RIC1: variants seen among roughly 807,000 people sequenced by gnomAD.
RIC1 encodes guanine nucleotide exchange factor subunit RIC1.
RIC1 carries 88 observed loss-of-function variants against 169.0 expected under a neutral mutation model. The ratio of observed to expected loss-of-function variants is 0.52; its 90% CI spans 0.44 to 0.62. The LOEUF (loss-of-function observed/expected upper bound fraction) is 0.62. RIC1 is among the 20% of genes least tolerant of loss of function. The pLI, the probability that RIC1 is intolerant of heterozygous loss-of-function variation, is 0.00. For missense variants in RIC1, 1,877 were observed against 1,725.5 expected (o/e 1.09, Z -1.56); for synonymous variants, 790 against 601.5 (o/e 1.31, Z -4.59).
intron 2 of RIC1, among the ~76,000 whole-genome samples, chr9:5,678,182 C>A (rs200912079): frequency 2.2e-4 from 34 of 152,040 alleles, no homozygotes; most frequent in Non-Finnish European, 3.8e-4. Flanking sequence ...TGAACTCATC[C>A]TTTTTTATGG....
At chr9:5,632,581 C>T (rs1047159436) in intron 1 of RIC1, among the ~76,000 whole-genome samples, 1 of 151,992 alleles carries the variant, frequency 6.6e-6, no homozygotes, top group African/African-American at 2.4e-5. Flanking sequence ...TGGAGCCCCC[C>T]AAATGGTGTT....
chr9:5,698,840 A>G (rs1467554467), intron 3 of RIC1, among the ~76,000 whole-genome samples: 1 of 152,218 alleles, frequency 6.6e-6, no homozygotes, highest in Non-Finnish European at 1.5e-5. Flanking sequence ...CCTCCATTGC[A>G]TATTTATGAC....
At chr9:5,730,437 G>GC (rs2130917238) in intron 6 of RIC1, among the ~76,000 whole-genome samples, 1 of 152,156 alleles carries the variant, frequency 6.6e-6, no homozygotes, top group East Asian at 1.9e-4. Flanking sequence ...GACATGGTAA[G>GC]CAAAAAACAG....
chr9:5,751,005 T>C (rs1825692257), intron 12 of RIC1, among the ~76,000 whole-genome samples: 2 of 151,892 alleles, frequency 1.3e-5, no homozygotes, highest in African/African-American at 4.9e-5. Context: ...GAATAAAGAA[T>C]AAATTGTTTT....
intron 3 of RIC1, among the ~76,000 whole-genome samples, chr9:5,707,873 A>G (rs1380632916): frequency 6.6e-6 from 1 of 152,108 alleles, no homozygotes; most frequent in African/African-American, 2.4e-5. Flanking sequence ...CATTTACATT[A>G]AAGTACTTAC....
chr9:5,688,882 C>T (rs1821418557), intron 2 of RIC1, among the ~76,000 whole-genome samples: 1 of 152,102 alleles, frequency 6.6e-6, no homozygotes, highest in African/African-American at 2.4e-5. Context: ...AACACTGCCA[C>T]TTCACTCTGT....
rs1462507118 is a variant in RIC1 at position 5,775,063 on chromosome 9, A to G, written c.*817A>G. 2.0e-5 allele frequency: 3 copies of G among 152,214 alleles called. No individual in the cohort carries two copies. The highest frequency in any genetic ancestry group is 6.5e-5 in the Admixed American group (1 of 15,282). The allele number at this position is 152,214 out of a possible 1,614,324, so 9.4% of individuals were successfully genotyped here. A position where few individuals can be genotyped will look rare whatever the true frequency, so the allele number is the denominator to read the frequency against. On this transcript the variant is annotated 3_prime_UTR_variant, in exon 26 of 26. Transcript: ENST00000414202. The stretch of plus-strand genomic sequence containing the variant: ...TTTTAATGCTGGATTCTGCATGTCT[A>G]CACATACAAAGACAGGGCTTGCTCC...
chr9:5,777,908 T>C (rs1278300178), downstream of RIC1, among the ~76,000 whole-genome samples: 1 of 152,200 alleles, frequency 6.6e-6, no homozygotes, highest in Non-Finnish European at 1.5e-5. Context: ...GTCCTAAGTT[T>C]GTTTTTTCTA....
intron 6 of RIC1, among the ~76,000 whole-genome samples, chr9:5,724,690 G>A (rs532432035): frequency 1.3e-5 from 2 of 152,076 alleles, no homozygotes; most frequent in African/African-American, 2.4e-5. Context: ...GATATTTGTG[G>A]GTTTGTCATA....
At chr9:5,661,692 A>T (rs557545526) in intron 2 of RIC1, among the ~76,000 whole-genome samples, 5 of 152,282 alleles carry the variant, frequency 3.3e-5, no homozygotes, top group South Asian at 2.1e-4. Context: ...CTATCCTTAG[A>T]CTTTGCTGAA....
At chr9:5,634,112 C>A (rs911736603) in intron 1 of RIC1, among the ~76,000 whole-genome samples, 11 of 152,010 alleles carry the variant, frequency 7.2e-5, no homozygotes, top group African/African-American at 2.4e-4. Flanking sequence ...GTGTGTGTTA[C>A]ATTTTCTTTA....
intron 2 of RIC1, among the ~76,000 whole-genome samples, chr9:5,681,320 C>G (rs956616557): frequency 6.6e-6 from 1 of 152,044 alleles, no homozygotes; most frequent in African/African-American, 2.4e-5. Flanking sequence ...ATTCCCTCTA[C>G]GCACTGCTTT....
intron 2 of RIC1, among the ~76,000 whole-genome samples, chr9:5,683,654 C>T (rs527525170): frequency 2.0e-5 from 3 of 152,326 alleles, no homozygotes; most frequent in Non-Finnish European, 2.9e-5. Flanking sequence ...GCTGGGAGAG[C>T]CACTACCCTC....
intron 2 of RIC1, among the ~76,000 whole-genome samples, chr9:5,664,312 C>G (rs1411468904): frequency 1.3e-5 from 2 of 151,920 alleles, no homozygotes; most frequent in African/African-American, 4.8e-5. Context: ...ACTCAGGAGG[C>G]TGAGGCAGGA....
chr9:5,656,398 C>T (rs1013821704), intron 1 of RIC1, among the ~76,000 whole-genome samples, 185 bp from the exon 2 acceptor site: 2 of 151,910 alleles, frequency 1.3e-5, no homozygotes, highest in African/African-American at 2.4e-5. Context: ...ATAATACAGG[C>T]GTAGGTTTAG....
intron 1 of RIC1, among the ~76,000 whole-genome samples, chr9:5,637,583 C>T (rs1361944253): frequency 6.6e-6 from 1 of 152,122 alleles, no homozygotes; most frequent in Admixed American, 6.5e-5. Context: ...ACCCATTAGC[C>T]GTTCCCACCT....
intron 1 of RIC1, among the ~76,000 whole-genome samples, chr9:5,653,966 G>A (rs368284436): frequency 2.0e-5 from 3 of 152,020 alleles, no homozygotes; most frequent in South Asian, 2.1e-4. Flanking sequence ...ATAGATAAAC[G>A]TATTGTGTTA....
chr9:5,679,221 A>G (rs10975234), intron 2 of RIC1, among the ~76,000 whole-genome samples: 1 of 151,330 alleles, frequency 6.6e-6, no homozygotes, highest in East Asian at 1.9e-4. Context: ...TTTTGGTACC[A>G]GTACTGTTTT....
intron 3 of RIC1, among the ~76,000 whole-genome samples, chr9:5,706,316 G>T (rs1432055701): frequency 6.6e-6 from 1 of 152,130 alleles, no homozygotes; most frequent in Non-Finnish European, 1.5e-5. Flanking sequence ...GCTGGGCATG[G>T]TGGCACATGC....
Sources: gnomAD v4.1 joint callset for allele counts (sites outside exome capture counted in the v4.1 genomes callset) on GRCh38, gnomAD v4.1.1 for gene constraint, MANE v1.5 for transcripts, NCBI Gene and HGNC (gene_info 2026-07-23, HGNC 2026-07-21) for gene names.